Variants in LHFPL6 observed in about 807,000 individuals in gnomAD.
LHFPL6 encodes the protein LHFPL tetraspan subfamily member 6.
In LHFPL6, 9 loss-of-function variants were observed where a neutral mutation model predicts 20.6. That is an observed-to-expected ratio of 0.44 (90% CI 0.26 to 0.76). The LOEUF is 0.76. Ranked by LOEUF, LHFPL6 falls within the 30% of genes least tolerant of loss-of-function variation. The pLI is 0.20. For missense variants in LHFPL6, 218 were observed against 253.5 expected, an observed-to-expected ratio of 0.86 and a Z score of 0.95; for synonymous variants, 105 against 98.7, an observed-to-expected ratio of 1.06 and a Z score of -0.38.
intron 3 of LHFPL6, among the ~76,000 whole-genome samples, chr13:39,369,107 G>GA (rs760829098): frequency 0.02 from 2,355 of 117,630 alleles, 31 homozygotes; most frequent in Non-Finnish European, 0.033. Flanking sequence ...GGACAACACT[G>GA]AAAAAAAAAA....
intron 2 of LHFPL6, among the ~76,000 whole-genome samples, chr13:39,381,070 C>T (rs773849875): frequency 2.0e-5 from 3 of 152,122 alleles, no homozygotes; most frequent in Admixed American, 6.5e-5. Context: ...ATCCTGAAAC[C>T]ACCCTCCTCC....
intron 2 of LHFPL6, among the ~76,000 whole-genome samples, chr13:39,553,677 G>A (rs935497151): frequency 5.3e-5 from 8 of 152,140 alleles, no homozygotes; most frequent in South Asian, 2.1e-4. Flanking sequence ...GCGCCACTGC[G>A]CTACAGCCTG....
intron 2 of LHFPL6, among the ~76,000 whole-genome samples, chr13:39,443,084 A>G (rs552476836): frequency 6.6e-6 from 1 of 152,326 alleles, no homozygotes; most frequent in South Asian, 2.1e-4. Context: ...ACCTTTAAAA[A>G]GTGATTAGGT....
At chr13:39,488,141 G>C (rs912354091) in intron 2 of LHFPL6, among the ~76,000 whole-genome samples, 2 of 152,122 alleles carry the variant, frequency 1.3e-5, no homozygotes, top group Non-Finnish European at 2.9e-5. Flanking sequence ...GCTCCAGGGA[G>C]CATATTACCC....
chr13:39,386,039 C>T, intron 2 of LHFPL6, among the ~76,000 whole-genome samples: 1 of 152,014 alleles, frequency 6.6e-6, no homozygotes. Context: ...TTTTTGGATA[C>T]TTTTATCCAT....
At chr13:39,481,394 A>T (rs1353347017) in intron 2 of LHFPL6, among the ~76,000 whole-genome samples, 2 of 152,210 alleles carry the variant, frequency 1.3e-5, no homozygotes, top group Admixed American at 1.3e-4. Flanking sequence ...TAAATTAATA[A>T]GATATAATGA....
intron 2 of LHFPL6, among the ~76,000 whole-genome samples, chr13:39,594,339 T>C (rs1225993904): frequency 6.6e-6 from 1 of 152,092 alleles, no homozygotes; most frequent in Admixed American, 6.5e-5. Context: ...AAGAAGACAT[T>C]TATGCAGCCA....
intron 2 of LHFPL6, among the ~76,000 whole-genome samples, chr13:39,460,270 G>A (rs1347182808): frequency 6.6e-6 from 1 of 152,056 alleles, no homozygotes; most frequent in East Asian, 1.9e-4. Context: ...AGAATACAAT[G>A]GTTTATTACC....
At chr13:39,429,410 A>G (rs1871729848) in intron 2 of LHFPL6, among the ~76,000 whole-genome samples, 1 of 152,074 alleles carries the variant, frequency 6.6e-6, no homozygotes, top group African/African-American at 2.4e-5. Context: ...GTCAGCTATT[A>G]ATATAGCCAC....
intron 2 of LHFPL6, among the ~76,000 whole-genome samples, chr13:39,575,049 G>A (rs775071603): frequency 4.1e-4 from 62 of 151,896 alleles, no homozygotes; most frequent in Non-Finnish European, 8.7e-4. Context: ...TTGGCCTCGC[G>A]ACAGAGCAAA....
chr13:39,374,368 T>C lies in LHFPL6; in HGVS notation c.484+4060A>G, dbSNP rs999762265. The stretch of plus-strand genomic sequence containing the variant: ...CATATATGTGGCCAACAATAGACAC[T>C]GGGGACTACTATGAGGGGAGGGACG... On this transcript the variant is annotated intron_variant, in intron 3 of 3. Transcript: ENST00000379589. Among the ~76,000 whole-genome samples the C allele has an allele frequency of 7.9e-5, 12 of 152,092 alleles. 1 individual carries two copies. The highest frequency in any genetic ancestry group is 2.9e-4 in the African/African-American group (12 of 41,496).
At chr13:39,432,616 A>C (rs2138406345) in intron 2 of LHFPL6, among the ~76,000 whole-genome samples, 1 of 152,246 alleles carries the variant, frequency 6.6e-6, no homozygotes, top group East Asian at 1.9e-4. Flanking sequence ...CATCCCAGGC[A>C]GTTCTTGTTT....
At chr13:39,535,093 G>A (rs1025922017) in intron 2 of LHFPL6, among the ~76,000 whole-genome samples, 3 of 152,158 alleles carry the variant, frequency 2.0e-5, no homozygotes, top group Non-Finnish European at 4.4e-5. Context: ...CTCTACTTCT[G>A]TTTTCATGCA....
intron 2 of LHFPL6, among the ~76,000 whole-genome samples, chr13:39,479,076 T>TAGAC (rs1566120801): frequency 6.1e-5 from 9 of 148,542 alleles, no homozygotes; most frequent in African/African-American, 2.0e-4. Flanking sequence ...GATAGATAGA[T>TAGAC]AGATAGACAG....
intron 2 of LHFPL6, among the ~76,000 whole-genome samples, chr13:39,562,601 C>T (rs199658552): frequency 2.2e-4 from 21 of 96,900 alleles, no homozygotes; most frequent in Admixed American, 1.7e-3. Flanking sequence ...CATATATACA[C>T]ATATACATAT....
chr13:39,495,018 C>T (rs1278516525), intron 2 of LHFPL6, among the ~76,000 whole-genome samples: 1 of 152,166 alleles, frequency 6.6e-6, no homozygotes, highest in Non-Finnish European at 1.5e-5. Context: ...TGAGTTAGAA[C>T]ATGAAATGAC....
At chr13:39,373,034 C>A (rs1381932199) in intron 3 of LHFPL6, among the ~76,000 whole-genome samples, 1 of 152,154 alleles carries the variant, frequency 6.6e-6, no homozygotes, top group Admixed American at 6.6e-5. Context: ...CTAAAGCCTA[C>A]AAGGGCTGAG....
At chr13:39,580,491 T>G (rs1872249113) in intron 2 of LHFPL6, among the ~76,000 whole-genome samples, 1 of 152,160 alleles carries the variant, frequency 6.6e-6, no homozygotes, top group East Asian at 1.9e-4. Context: ...AAACTAAAAG[T>G]AGATGAAAAT....
At chr13:39,555,215 A>G (rs981219343) in intron 2 of LHFPL6, among the ~76,000 whole-genome samples, 1 of 152,162 alleles carries the variant, frequency 6.6e-6, no homozygotes, top group Non-Finnish European at 1.5e-5. Flanking sequence ...AGGTGCTCCA[A>G]TCCCTTTGTA....
Sources: allele counts gnomAD v4.1 joint callset (sites outside exome capture counted in the v4.1 genomes callset), GRCh38; gene constraint gnomAD v4.1.1; transcripts MANE v1.5; gene names NCBI Gene and HGNC (gene_info 2026-07-23, HGNC 2026-07-21).